The following ZFPM1 variants were observed in gnomAD, a reference collection of about 807,000 sequenced individuals.
The protein encoded by ZFPM1 is zinc finger protein ZFPM1.
A neutral mutation model predicts 46.3 loss-of-function variants in ZFPM1; 28 were observed. The ratio of observed to expected loss-of-function variants is 0.60; its 90% CI spans 0.45 to 0.83. The LOEUF is 0.83. Among genes scored for constraint, ZFPM1 ranks in the 40% least tolerant of loss-of-function variants. The pLI, the probability that ZFPM1 is intolerant of heterozygous loss-of-function variation, is 0.00. For synonymous variants in ZFPM1, 957 were observed against 675.9 expected (o/e 1.42, Z -6.45); for missense variants, 1,878 against 1,432.4 (o/e 1.31, Z -5.02).
intron 1 of ZFPM1, among the ~76,000 whole-genome samples, chr16:88,483,505 C>T (rs904339483): frequency 9.3e-5 from 14 of 150,560 alleles, no homozygotes; most frequent in African/African-American, 3.4e-4. Context: ...GCTGGTCTCA[C>T]AACAACCACT....
chr16:88,453,677 G>C lies in ZFPM1; in HGVS notation c.39G>C (p.Lys13Asn). The change falls in exon 1 of 10, where the codon AAG (lysine) becomes AAC (asparagine). Residue 13 changes from lysine to asparagine, a missense_variant and splice_region_variant. Lys to Asn is a moderately conservative substitution (Grantham distance 94, BLOSUM62 0). Transcript: ENST00000319555. ...RRKQSNPRQI[K>N]RSLGDMEARE... ...AACAGAGCAACCCCCGGCAGATCAAGCGTGAGTCAAACTTTGCCCGCGGTC... is the reference window on the plus strand; with the variant it reads ...AACAGAGCAACCCCCGGCAGATCAACCGTGAGTCAAACTTTGCCCGCGGTC... 1 of 1,200,634 alleles carries C rather than the reference G, an allele frequency of 8.3e-7. No homozygotes were observed. The highest frequency in any genetic ancestry group is 1.1e-6 in the Non-Finnish European group (1 of 949,582). The allele number at this position is 1,200,634 out of a possible 1,614,324, so 74.4% of individuals were successfully genotyped here.
chr16:88,486,167 C>T (rs1470090042), intron 2 of ZFPM1, 124 bp downstream of exon 2: 3 of 1,009,344 alleles, frequency 3.0e-6, no homozygotes, highest in Admixed American at 4.7e-5. Context: ...GAGTCCAGGA[C>T]AGGCGTCTTC....
At chr16:88,483,958 G>A (rs112195171) in intron 1 of ZFPM1, among the ~76,000 whole-genome samples, 22 of 152,274 alleles carry the variant, frequency 1.4e-4, no homozygotes, top group African/African-American at 3.9e-4. Flanking sequence ...TCGCATCTTC[G>A]GGGGTCTCTG....
In ZFPM1 at chr16:88,534,286, A is replaced by C. The variant is rs922585995; in HGVS notation, c.2328A>C (p.Gly776=). Reference sequence around the variant, plus strand: ...CGCCGCGGCCCGGAAGCGGAAGCGGAAGCGGCCCCGGCCTCGCCCCTGCGC... The same window carrying C: ...CGCCGCGGCCCGGAAGCGGAAGCGGCAGCGGCCCCGGCCTCGCCCCTGCGC... ...PESPRPGSGS[G]SGPGLAPARS... The change falls in exon 10 of 10, where the codon GGA becomes GGC. Residue 776 remains glycine, a synonymous_variant. Transcript: ENST00000319555. The C allele has an allele frequency of 2.6e-4, 302 of 1,165,138 alleles. No individual in the cohort carries two copies. In the African/African-American group the frequency reaches 4.0e-3, roughly 16 times the overall value. The allele number at this position is 1,165,138 out of a possible 1,614,324, so 72.2% of individuals were successfully genotyped here.
intron 3 of ZFPM1, among the ~76,000 whole-genome samples, chr16:88,501,267 ATAGTGGG>A (rs1910280129): frequency 3.6e-5 from 4 of 109,976 alleles, no homozygotes; most frequent in African/African-American, 1.1e-4. Flanking sequence ...GATGATGGAG[ATAGTGGG>A]CCTGGGTGCG....
intron 2 of ZFPM1, among the ~76,000 whole-genome samples, chr16:88,487,389 T>C (rs1909290839): frequency 6.6e-6 from 1 of 152,200 alleles, no homozygotes; most frequent in Admixed American, 6.5e-5. Flanking sequence ...GGAGGGGATG[T>C]GGCCATACCC....
In ZFPM1 at chr16:88,497,965, C is replaced by A. The variant is rs1450079131; in HGVS notation, c.268+8812C>A. The stretch of plus-strand genomic sequence containing the variant: ...GGGAGATGGGCCGATAGGCGACTGG[C>A]TCCCTCCCCACCCGGTGTGCGTGGG... On this transcript the variant is annotated intron_variant, in intron 3 of 9. Coordinates refer to ENST00000319555, the MANE Select transcript of ZFPM1 (RefSeq NM_153813.3). This position sits in a 1 kb window ranked among gnomAD's most constrained non-coding sequence, Gnocchi z 5.4. Among the ~76,000 whole-genome samples, 1 of 152,222 alleles carries A rather than the reference C, an allele frequency of 6.6e-6. No individual in the cohort carries two copies. Among genetic ancestry groups the A allele is most frequent in the African/African-American group, 2.4e-5 (1 of 41,454 alleles).
chr16:88,530,824 GCCC>G (rs1203852407), intron 6 of ZFPM1: 6 of 152,306 alleles, frequency 3.9e-5, no homozygotes. Flanking sequence ...GCTGCCTGCA[GCCC>G]CCAAGTAAAA....
chr16:88,457,408 T>C (rs1164547643), intron 1 of ZFPM1, among the ~76,000 whole-genome samples: 1 of 152,226 alleles, frequency 6.6e-6, no homozygotes, highest in Admixed American at 6.5e-5. Context: ...TTACTGTGCT[T>C]TCCACAGCTC....
intron 4 of ZFPM1, among the ~76,000 whole-genome samples, chr16:88,515,540 G>A (rs1197489987): frequency 6.6e-6 from 1 of 152,250 alleles, no homozygotes; most frequent in Non-Finnish European, 1.5e-5. Flanking sequence ...CTTATCTGTG[G>A]TGCAGGGAAG....
chr16:88,483,679 G>A (rs895777365), intron 1 of ZFPM1, among the ~76,000 whole-genome samples: 1 of 152,196 alleles, frequency 6.6e-6, no homozygotes, highest in Admixed American at 6.5e-5. Flanking sequence ...GACACCCAGG[G>A]CAGTGTTCAG....
In ZFPM1 at chr16:88,508,694, C is replaced by G. The variant is rs556744028; in HGVS notation, c.269-5693C>G. ...TGCTACTGAGGCTGCAGAGGGGACACAGAGTTTGCGCGGAGGTCACGGGGT... is the reference window on the plus strand; with the variant it reads ...TGCTACTGAGGCTGCAGAGGGGACAGAGAGTTTGCGCGGAGGTCACGGGGT... On this transcript the variant is annotated intron_variant, in intron 3 of 9. Transcript: ENST00000319555. 2.0e-5 allele frequency among the ~76,000 whole-genome samples: 3 copies of G among 152,350 alleles called. No homozygotes were observed. In the South Asian group the frequency reaches 6.2e-4, roughly 32 times the overall value.
intron 3 of ZFPM1, among the ~76,000 whole-genome samples, chr16:88,493,382 G>A (rs1909723882): frequency 6.8e-6 from 1 of 147,268 alleles, no homozygotes; most frequent in South Asian, 2.2e-4. Flanking sequence ...CCGGGGTGGG[G>A]AGAGCTGTCC....
At chr16:88,513,823 C>G (rs1223908610) in intron 3 of ZFPM1, among the ~76,000 whole-genome samples, 2 of 152,242 alleles carry the variant, frequency 1.3e-5, no homozygotes, top group Non-Finnish European at 2.9e-5. Context: ...TCAGGCGACC[C>G]TCATGGCTGC....
chr16:88,494,442 G>A (rs750052161), intron 3 of ZFPM1, among the ~76,000 whole-genome samples: 6 of 152,234 alleles, frequency 3.9e-5, no homozygotes, highest in Admixed American at 6.5e-5. Context: ...AAAGCAGGAC[G>A]CCCGGCCGGG....
chr16:88,526,564 C>T (rs914002090), intron 4 of ZFPM1, among the ~76,000 whole-genome samples: 7 of 152,324 alleles, frequency 4.6e-5, no homozygotes, highest in South Asian at 4.1e-4. Context: ...ACCCTGCGCC[C>T]AACCCTGGAA....
At chr16:88,467,908 T>C (rs77050106) in intron 1 of ZFPM1, among the ~76,000 whole-genome samples, 11,700 of 152,136 alleles carry the variant, frequency 0.077, 1,500 homozygotes, top group African/African-American at 0.27. Flanking sequence ...ATCTATCTGC[T>C]TGCTCGAGCT....
At chr16:88,510,967 G>A (rs1343698028) in intron 3 of ZFPM1, among the ~76,000 whole-genome samples, 2 of 152,192 alleles carry the variant, frequency 1.3e-5, no homozygotes, top group Non-Finnish European at 2.9e-5. Context: ...GGGCACTCAT[G>A]TTGGGTTCGT....
intron 1 of ZFPM1, among the ~76,000 whole-genome samples, chr16:88,468,186 G>A (rs1180576794): frequency 8.9e-6 from 1 of 112,102 alleles, no homozygotes; most frequent in South Asian, 3.2e-4. Flanking sequence ...ACGCACCCGC[G>A]AGCCCACCGC....
Sources: gnomAD v4.1 joint callset for allele counts (sites outside exome capture counted in the v4.1 genomes callset) on GRCh38, gnomAD v4.1.1 for gene constraint, Gnocchi (gnomAD v3.1) non-coding constraint, MANE v1.5 for transcripts, NCBI Gene and HGNC (gene_info 2026-07-23, HGNC 2026-07-21) for gene names.